Variants in VAV2 observed in about 807,000 individuals in gnomAD.
The protein encoded by VAV2 is guanine nucleotide exchange factor VAV2.
A neutral mutation model predicts 132.5 loss-of-function variants in VAV2; 67 were observed. That is an observed-to-expected ratio of 0.51 (90% CI 0.42 to 0.62). The LOEUF (loss-of-function observed/expected upper bound fraction) is 0.62, where lower values mean the gene tolerates loss of function less well. VAV2 is among the 20% of genes least tolerant of loss of function. The probability of loss-of-function intolerance (pLI) is 0.00; values close to 1 mark genes in which losing one functional copy is unlikely to be tolerated. For synonymous variants in VAV2, 492 were observed against 443.5 expected, an observed-to-expected ratio of 1.11 and a Z score of -1.37; for missense variants, 938 against 1,153.6, an observed-to-expected ratio of 0.81 and a Z score of 2.71.
chr9:133,864,140 C>G (rs780067162), intron 2 of VAV2, among the ~76,000 whole-genome samples: 1 of 152,232 alleles, frequency 6.6e-6, no homozygotes, highest in Admixed American at 6.5e-5. Context: ...TCGTCTGTTC[C>G]GAGTCCCAGT....
intron 9 of VAV2, among the ~76,000 whole-genome samples, chr9:133,800,279 A>T (rs900403692): frequency 7.2e-5 from 11 of 152,150 alleles, no homozygotes; most frequent in Middle Eastern, 3.2e-3. Context: ...GCCCCTTTGA[A>T]AAGTGCCCCT....
chr9:133,940,665 C>G (rs1287773929), intron 1 of VAV2, among the ~76,000 whole-genome samples: 1 of 85,986 alleles, frequency 1.2e-5, no homozygotes, highest in African/African-American at 4.5e-5. Flanking sequence ...CCCTCTCTGT[C>G]CACGTGCGTG....
In VAV2 at chr9:133,961,347, T is replaced by C. The variant is rs996018765; in HGVS notation, c.205-22128A>G. ...GCTTCGGCCTGTGGCCAAGACACCA[T>C]GGGCAGTGGAATGAGCAACGTGCAG... On this transcript the variant is annotated intron_variant, in intron 1 of 29. Coordinates refer to ENST00000371850, the MANE Select transcript of VAV2 (RefSeq NM_001134398.2). This position sits in a 1 kb window ranked among gnomAD's most constrained non-coding sequence, Gnocchi z 4.1. Among the ~76,000 whole-genome samples, 4 of 152,164 alleles carry C rather than the reference T, an allele frequency of 2.6e-5. No homozygotes were observed. The highest frequency in any genetic ancestry group is 9.7e-5 in the African/African-American group (4 of 41,438).
chr9:133,768,310 GA>G lies in VAV2; in HGVS notation c.2589+131del. On this transcript the variant is annotated intron_variant, in intron 29 of 29. Coordinates refer to ENST00000371850, the MANE Select transcript of VAV2 (RefSeq NM_001134398.2). This position sits in a 1 kb window ranked among gnomAD's most constrained non-coding sequence, Gnocchi z 5.3. ...CAACCTTCTGGGCTGCTGTGAGGAT[GA>G]GGGAGATTGCAGAGGGTGTCTGGAA... 1 of 1,283,678 alleles carries G rather than the reference GA, an allele frequency of 7.8e-7. No individual in the cohort carries two copies. The highest frequency in any genetic ancestry group is 1.1e-6 in the Non-Finnish European group (1 of 944,774). 79.5% of individuals were successfully genotyped at this position (1,283,678 alleles called of 1,614,324 possible).
Position 133,771,993 on chromosome 9 carries a change from T to C in VAV2, c.2189A>G (p.His730Arg). The change falls in exon 26 of 30, where the codon CAC becomes CGC. Residue 730 changes from histidine to arginine, a missense_variant. By Grantham distance (29) the His-to-Arg change is conservative. Coordinates refer to ENST00000371850, the MANE Select transcript of VAV2 (RefSeq NM_001134398.2). Reference sequence around the variant, plus strand: ...GTCGAATTTCTTGGCCTCTGTGATGTGGATCCAGTTGTCCTTCTCCACCAC... The same window carrying C: ...GTCGAATTTCTTGGCCTCTGTGATGCGGATCCAGTTGTCCTTCTCCACCAC... ...IKVVEKDNWI[H>R]ITEAKKFDSL... 3 of 1,614,082 alleles carry C rather than the reference T, an allele frequency of 1.9e-6. No homozygotes were observed. The highest frequency in any genetic ancestry group is 2.5e-6 in the Non-Finnish European group (3 of 1,179,934).
intron 29 of VAV2, among the ~76,000 whole-genome samples, chr9:133,767,235 T>C (rs1201199967): frequency 1.3e-5 from 2 of 152,146 alleles, no homozygotes; most frequent in African/African-American, 4.8e-5. Flanking sequence ...AAATCCATTT[T>C]AAATATAAGG....
At position 133,780,730 on chromosome 9, in the gene VAV2, G is replaced by A; in HGVS notation, c.1724-20C>T. 1 of 1,269,574 alleles carries A rather than the reference G, an allele frequency of 7.9e-7. No homozygotes were observed. Among genetic ancestry groups the A allele is most frequent in the Non-Finnish European group, 1.0e-6 (1 of 999,316 alleles). 78.6% of individuals were successfully genotyped at this position (1,269,574 alleles called of 1,614,324 possible). On this transcript the variant is annotated intron_variant, in intron 19 of 29. Transcript: ENST00000371850. ...GAGAAGCTGGAAAGGAAGCAGGTCAGGTGTTAGAGGGGAGGCCACCGACGC... is the reference window on the plus strand; with the variant it reads ...GAGAAGCTGGAAAGGAAGCAGGTCAAGTGTTAGAGGGGAGGCCACCGACGC...
chr9:133,790,566 T>C (rs1339951894), intron 13 of VAV2, among the ~76,000 whole-genome samples: 2 of 152,230 alleles, frequency 1.3e-5, no homozygotes, highest in African/African-American at 4.8e-5. Context: ...TCCTGCTCAC[T>C]GTACGCATTT....
Position 133,769,591 on chromosome 9 carries a change from G to C in VAV2, c.2348-88C>G. ...GCACAGCTACAGGCCGGGGGGCATGGGGTGGGGCAGGCCCTTTGGCAGGAG... is the reference window on the plus strand; with the variant it reads ...GCACAGCTACAGGCCGGGGGGCATGCGGTGGGGCAGGCCCTTTGGCAGGAG... On this transcript the variant is annotated intron_variant, in intron 27 of 29. Transcript: ENST00000371850. This position sits in a 1 kb window ranked among gnomAD's most constrained non-coding sequence, Gnocchi z 8.1. The C allele has an allele frequency of 7.3e-7, 1 of 1,367,742 alleles. No individual in the cohort carries two copies. The highest frequency in any genetic ancestry group is 2.5e-5 in the East Asian group (1 of 39,770). The allele number at this position is 1,367,742 out of a possible 1,614,324, so 84.7% of individuals were successfully genotyped here.
intron 18 of VAV2, 52 bp downstream of exon 18, chr9:133,784,265 C>T (rs1834129024): frequency 6.4e-7 from 1 of 1,570,956 alleles, no homozygotes; most frequent in Non-Finnish European, 8.8e-7. Context: ...CTCTCAGGGG[C>T]CTGGGCTGGG....
At chr9:133,941,608 T>TGGG (rs56802789) in intron 1 of VAV2, among the ~76,000 whole-genome samples, 12 of 135,616 alleles carry the variant, frequency 8.8e-5, no homozygotes, top group Admixed American at 3.9e-4. Flanking sequence ...CACTTTTTTT[T>TGGG]GGGGGGGGGG....
At chr9:133,858,925 G>A (rs557241566) in intron 3 of VAV2, among the ~76,000 whole-genome samples, 5 of 152,224 alleles carry the variant, frequency 3.3e-5, no homozygotes, top group Admixed American at 1.3e-4. Flanking sequence ...GCAGTTCCCC[G>A]ACCTGAGAGG....
intron 1 of VAV2, among the ~76,000 whole-genome samples, chr9:133,966,860 C>G (rs891643596): frequency 6.6e-6 from 1 of 151,936 alleles, no homozygotes; most frequent in East Asian, 1.9e-4. Context: ...CACCGTAAAC[C>G]CTGTCTCTAC....
Position 133,763,807 on chromosome 9 carries a change from C to T in VAV2, c.*255G>A. 1.2e-5 allele frequency: 6 copies of T among 513,972 alleles called. No individual in the cohort carries two copies. The highest frequency in any genetic ancestry group is 4.4e-5 in the South Asian group (2 of 45,862). 31.8% of individuals were successfully genotyped at this position (513,972 alleles called of 1,614,324 possible). ...TGGCTCGCAGCGCTGTCGGTGCCCCCTCCTCTGCGCTCTGGGTGGGGCTAG... is the reference window on the plus strand; with the variant it reads ...TGGCTCGCAGCGCTGTCGGTGCCCCTTCCTCTGCGCTCTGGGTGGGGCTAG... On this transcript the variant is annotated 3_prime_UTR_variant, in exon 30 of 30. Transcript: ENST00000371850. This position sits in a 1 kb window ranked among gnomAD's most constrained non-coding sequence, Gnocchi z 6.8.
chr9:133,961,641 C>T lies in VAV2; in HGVS notation c.205-22422G>A, dbSNP rs1327464926. Among the ~76,000 whole-genome samples the T allele has an allele frequency of 6.6e-6, 1 of 152,218 alleles. No individual in the cohort carries two copies. Among genetic ancestry groups the T allele is most frequent in the Non-Finnish European group, 1.5e-5 (1 of 68,030 alleles). On this transcript the variant is annotated intron_variant, in intron 1 of 29. Transcript: ENST00000371850. This position sits in a 1 kb window ranked among gnomAD's most constrained non-coding sequence, Gnocchi z 4.1. ...GAGGCCCAGCCCAGGTGCTCCAGTC[C>T]CCAGAGCACGCATAAGCCTCAGCCA...
intron 9 of VAV2, among the ~76,000 whole-genome samples, chr9:133,803,272 G>C (rs1548381): frequency 1.3e-5 from 2 of 152,112 alleles, no homozygotes; most frequent in African/African-American, 2.4e-5. Flanking sequence ...AAAAGCGCTC[G>C]TGCAAAGCTC....
At chr9:133,810,038 C>T (rs537375385) in intron 6 of VAV2, among the ~76,000 whole-genome samples, 153 bp downstream of exon 6, 7 of 151,610 alleles carry the variant, frequency 4.6e-5, no homozygotes, top group African/African-American at 1.2e-4. Flanking sequence ...ACGGGGGTGC[C>T]GAGGGTCTCT....
intron 5 of VAV2, 72 bp downstream of exon 5, chr9:133,812,042 G>A (rs1375773793): frequency 1.2e-5 from 18 of 1,487,528 alleles, no homozygotes; most frequent in Non-Finnish European, 3.7e-6. Flanking sequence ...GCTCGGTATT[G>A]TGTTAAGCAA....
intron 2 of VAV2, among the ~76,000 whole-genome samples, chr9:133,933,730 G>GGGGATGGA (rs149852975): frequency 7.5e-6 from 1 of 132,708 alleles, no homozygotes. Context: ...TGGATGGATG[G>GGGGATGGA]TGGATGAATG....
Sources: gnomAD v4.1 joint callset for allele counts (sites outside exome capture counted in the v4.1 genomes callset) on GRCh38, gnomAD v4.1.1 for gene constraint, Gnocchi (gnomAD v3.1) non-coding constraint, MANE v1.5 for transcripts, NCBI Gene and HGNC (gene_info 2026-07-23, HGNC 2026-07-21) for gene names.